CABCOCO1: variants seen among roughly 807,000 people sequenced by gnomAD.
CABCOCO1 encodes ciliary associated calcium binding coiled-coil 1, also known as ciliary-associated calcium-binding coiled-coil protein 1.
CABCOCO1 carries 28 observed loss-of-function variants against 35.7 expected under a neutral mutation model. The ratio of observed to expected loss-of-function variants is 0.78; its 90% CI spans 0.58 to 1.07. The LOEUF (loss-of-function observed/expected upper bound fraction) is 1.07. Ranked by LOEUF, CABCOCO1 falls within the 50% of genes least tolerant of loss-of-function variation. CABCOCO1 has a pLI of 0.00. For missense variants in CABCOCO1, 326 were observed against 309.2 expected (o/e 1.05, Z -0.41); for synonymous variants, 95 against 100.1 (o/e 0.95, Z 0.30).
At chr10:61,666,441 A>G (rs1273653256) in intron 1 of CABCOCO1, among the ~76,000 whole-genome samples, 4 of 152,204 alleles carry the variant, frequency 2.6e-5, no homozygotes, top group Non-Finnish European at 5.9e-5. Flanking sequence ...ATGGACCTCA[A>G]CATGTGAGTA....
At chr10:61,678,449 G>A (rs1796944330) in intron 2 of CABCOCO1, among the ~76,000 whole-genome samples, 2 of 151,990 alleles carry the variant, frequency 1.3e-5, no homozygotes, top group South Asian at 4.1e-4. Flanking sequence ...GCCAGTTGAG[G>A]TGAATGCCTG....
At chr10:61,722,164 T>C (rs1160993373) in intron 5 of CABCOCO1, among the ~76,000 whole-genome samples, 1 of 152,226 alleles carries the variant, frequency 6.6e-6, no homozygotes, top group Non-Finnish European at 1.5e-5. Context: ...ACTATATCTA[T>C]ATTTCCTCTT....
intron 5 of CABCOCO1, among the ~76,000 whole-genome samples, chr10:61,729,096 T>G (rs963885855): frequency 6.6e-6 from 1 of 151,922 alleles, no homozygotes; most frequent in Admixed American, 6.6e-5. Flanking sequence ...GAACTAAGGG[T>G]TTTAAGACAA....
rs534124900 is a variant in CABCOCO1, at chr10:61,715,342, T to C, written c.552+24721T>C. 5.3e-5 allele frequency among the ~76,000 whole-genome samples: 8 copies of C among 152,312 alleles called. 1 individual carries two copies. The South Asian group carries it at 1.7e-3, about 32-fold the overall frequency. On this transcript the variant is annotated intron_variant, in intron 5 of 7. Coordinates refer to ENST00000648843, the MANE Select transcript of CABCOCO1 (RefSeq NM_001366906.2). ...AGAGATTAGGCTTGCAACCCTGCTT[T>C]TTTTTTGCTTCCCATTTGCTTGGCA...
intron 2 of CABCOCO1, among the ~76,000 whole-genome samples, chr10:61,679,954 G>A (rs1263278969): frequency 6.6e-6 from 1 of 151,940 alleles, no homozygotes; most frequent in East Asian, 1.9e-4. Flanking sequence ...TTTTAAGGTT[G>A]AAGAGAAAAT....
At chr10:61,723,223 C>A (rs189061003) in intron 5 of CABCOCO1, among the ~76,000 whole-genome samples, 71 of 152,278 alleles carry the variant, frequency 4.7e-4, no homozygotes, top group African/African-American at 1.6e-3. Flanking sequence ...GAAGAAAAAA[C>A]TGTTACAATT....
chr10:61,696,657 C>T (rs909606059), intron 5 of CABCOCO1, among the ~76,000 whole-genome samples: 2 of 151,884 alleles, frequency 1.3e-5, no homozygotes, highest in Admixed American at 1.3e-4. Context: ...ACCCTCATAC[C>T]CGGCTAATTT....
intron 5 of CABCOCO1, among the ~76,000 whole-genome samples, chr10:61,735,068 T>A (rs1312431741): frequency 6.6e-6 from 1 of 152,018 alleles, no homozygotes; most frequent in Non-Finnish European, 1.5e-5. Context: ...ATACATAAAG[T>A]TCCATTAATG....
intron 5 of CABCOCO1, among the ~76,000 whole-genome samples, chr10:61,751,360 A>G (rs2132080567): frequency 6.6e-6 from 1 of 152,096 alleles, no homozygotes; most frequent in East Asian, 1.9e-4. Context: ...GAATCCTTCA[A>G]AAAATAGAAG....
intron 5 of CABCOCO1, among the ~76,000 whole-genome samples, chr10:61,727,384 TTAA>T (rs1841182557): frequency 6.6e-6 from 1 of 152,186 alleles, no homozygotes; most frequent in Non-Finnish European, 1.5e-5. Flanking sequence ...TAGTTTTACA[TTAA>T]TAAGATTTTC....
rs560570545 is a variant in CABCOCO1 at position 61,710,660 on chromosome 10, T to C, written c.552+20039T>C. Among the ~76,000 whole-genome samples, 8 of 151,912 alleles carry C rather than the reference T, an allele frequency of 5.3e-5. No individual in the cohort carries two copies. The South Asian group carries it at 6.2e-4, about 12-fold the overall frequency. On this transcript the variant is annotated intron_variant, in intron 5 of 7. Transcript: ENST00000648843. Reference sequence around the variant, plus strand: ...AAGTGGATACTTTTTTTAAAGTAAGTTTGAAGGCATTGGAGGTTTTCCAAG... The same window carrying C: ...AAGTGGATACTTTTTTTAAAGTAAGCTTGAAGGCATTGGAGGTTTTCCAAG...
chr10:61,689,560 A>T (rs1370640925), intron 4 of CABCOCO1, among the ~76,000 whole-genome samples: 1 of 152,154 alleles, frequency 6.6e-6, no homozygotes, highest in Non-Finnish European at 1.5e-5. Context: ...ATGAATTGAA[A>T]CTTTGATCCA....
intron 4 of CABCOCO1, among the ~76,000 whole-genome samples, chr10:61,689,705 A>C (rs556213804): frequency 6.6e-6 from 1 of 152,282 alleles, no homozygotes; most frequent in Non-Finnish European, 1.5e-5. Flanking sequence ...CCACTAAGAC[A>C]ATTTTTTGTT....
chr10:61,742,241 G>A (rs908610661), intron 5 of CABCOCO1, among the ~76,000 whole-genome samples: 3 of 152,084 alleles, frequency 2.0e-5, no homozygotes, highest in East Asian at 1.9e-4. Context: ...CTTCTTTGCC[G>A]GGGACATTAA....
At chr10:61,764,408 A>C (rs753907876) in intron 7 of CABCOCO1, among the ~76,000 whole-genome samples, 1 of 151,324 alleles carries the variant, frequency 6.6e-6, no homozygotes, top group Admixed American at 6.6e-5. Context: ...ACATTGGTGA[A>C]GTATATCACA....
chr10:61,686,890 T>C (rs1427017589), intron 4 of CABCOCO1, among the ~76,000 whole-genome samples: 1 of 152,208 alleles, frequency 6.6e-6, no homozygotes, highest in African/African-American at 2.4e-5. Context: ...AGGGACATTT[T>C]TAGGGTTTGC....
At chr10:61,670,725 C>T (rs1839330665) in intron 1 of CABCOCO1, among the ~76,000 whole-genome samples, 1 of 152,142 alleles carries the variant, frequency 6.6e-6, no homozygotes, top group South Asian at 2.1e-4. Context: ...CACAAAGTCT[C>T]ATAATTTTTT....
At chr10:61,683,094 T>C (rs567935974) in intron 3 of CABCOCO1, among the ~76,000 whole-genome samples, 22 of 152,262 alleles carry the variant, frequency 1.4e-4, no homozygotes, top group African/African-American at 5.3e-4. Flanking sequence ...TTTCGCCATG[T>C]TGGCCTGGCT....
intron 3 of CABCOCO1, chr10:61,685,122 T>C (rs151276791): frequency 1.3e-5 from 2 of 152,292 alleles, no homozygotes; most frequent in African/African-American, 4.8e-5. Context: ...GGGCAGATAT[T>C]TGAGAAACAG....
Sources: allele counts gnomAD v4.1 joint callset (sites outside exome capture counted in the v4.1 genomes callset), GRCh38; gene constraint gnomAD v4.1.1; transcripts MANE v1.5; gene names NCBI Gene and HGNC (gene_info 2026-07-23, HGNC 2026-07-21).